Variants in SIMC1 observed in about 807,000 individuals in gnomAD.
The protein encoded by SIMC1 is SUMO interacting motifs containing 1.
In SIMC1, 55 loss-of-function variants were observed where a neutral mutation model predicts 82.3. That is an observed-to-expected ratio of 0.67 (90% CI 0.54 to 0.84). SIMC1 has a LOEUF of 0.84. SIMC1 is among the 40% of genes least tolerant of loss of function. SIMC1 has a pLI of 0.00. For missense variants in SIMC1, 915 were observed against 1,107.2 expected (o/e 0.83, Z 2.46); for synonymous variants, 353 against 426.3 (o/e 0.83, Z 2.12).
intron 1 of SIMC1, among the ~76,000 whole-genome samples, chr5:176,272,021 A>G (rs1762458548): frequency 6.9e-6 from 1 of 145,896 alleles, no homozygotes; most frequent in East Asian, 2.0e-4. Context: ...AATATATAAT[A>G]TATCTACTAT....
chr5:176,293,250 C>G (rs1763658289), intron 2 of SIMC1, among the ~76,000 whole-genome samples: 1 of 151,936 alleles, frequency 6.6e-6, no homozygotes, highest in Non-Finnish European at 1.5e-5. Context: ...CCAGCCTGGG[C>G]AACATAGTGA....
chr5:176,252,715 G>A (rs1228490633), intron 1 of SIMC1, among the ~76,000 whole-genome samples: 3 of 152,116 alleles, frequency 2.0e-5, no homozygotes, highest in Non-Finnish European at 4.4e-5. Context: ...AGGCAGAGAC[G>A]CTCCTCACTT....
chr5:176,260,197 G>GA (rs1761969179), intron 1 of SIMC1, among the ~76,000 whole-genome samples: 1 of 152,048 alleles, frequency 6.6e-6, no homozygotes, highest in Non-Finnish European at 1.5e-5. Flanking sequence ...TCTAATGTTA[G>GA]AAAACCATAA....
intron 4 of SIMC1, among the ~76,000 whole-genome samples, chr5:176,310,085 GC>G (rs1581293333): frequency 6.6e-6 from 1 of 152,308 alleles, no homozygotes; most frequent in East Asian, 1.9e-4. Flanking sequence ...ATCAGGGAAT[GC>G]AAATTGAAAC....
intron 4 of SIMC1, among the ~76,000 whole-genome samples, chr5:176,312,536 C>CAAAAAAAAAAAAAAAAAAAAAAAAAAAAA (rs10551875): frequency 1.4e-5 from 1 of 70,036 alleles, no homozygotes; most frequent in African/African-American, 5.8e-5. Context: ...GACTCCATCT[C>CAAAAAAAAAAAAAAAAAAAAAAAAAAAAA]AAAAAAAAAA....
chr5:176,329,588 A>G (rs1765545878), intron 7 of SIMC1, among the ~76,000 whole-genome samples: 1 of 151,546 alleles, frequency 6.6e-6, no homozygotes, highest in South Asian at 2.1e-4. Flanking sequence ...CCATCCTCCC[A>G]GCTACTGGCA....
intron 1 of SIMC1, among the ~76,000 whole-genome samples, chr5:176,278,040 AG>A (rs1762796110): frequency 7.4e-6 from 1 of 135,594 alleles, no homozygotes; most frequent in African/African-American, 2.8e-5. Context: ...TACCTTGGGC[AG>A]TATGGCCATT....
chr5:176,305,870 C>A (rs1171596859), intron 4 of SIMC1, among the ~76,000 whole-genome samples: 1 of 82,400 alleles, frequency 1.2e-5, no homozygotes, highest in African/African-American at 5.0e-5. Flanking sequence ...GGTCAGCCCC[C>A]CTGCCCGGCC....
chr5:176,311,948 ATCCT>A (rs1764681173), intron 4 of SIMC1, among the ~76,000 whole-genome samples: 1 of 152,226 alleles, frequency 6.6e-6, no homozygotes, highest in Non-Finnish European at 1.5e-5. Flanking sequence ...CTGGTGTAAC[ATCCT>A]TATCTTCCAA....
chr5:176,261,303 G>A (rs946548026), intron 1 of SIMC1, among the ~76,000 whole-genome samples: 5 of 152,012 alleles, frequency 3.3e-5, no homozygotes, highest in Admixed American at 6.6e-5. Context: ...CACCGCGCCC[G>A]GCTGCTTTTC....
chr5:176,244,569 G>T (rs1383869156), intron 1 of SIMC1, among the ~76,000 whole-genome samples: 5 of 152,034 alleles, frequency 3.3e-5, no homozygotes, highest in Non-Finnish European at 4.4e-5. Flanking sequence ...AGCTAGTGAG[G>T]TTGGAGATAA....
chr5:176,321,885 C>CTTTTTTT lies in SIMC1; in HGVS notation c.1890-373_1890-367dup, dbSNP rs11418187. ...AGAAAAATGTTGATATTTTAGTTAG[C>CTTTTTTT]TTTTTTTTTTTTTTTTTTTTTGTAG... On this transcript the variant is annotated intron_variant, in intron 5 of 9. Transcript: ENST00000429602. Among the ~76,000 whole-genome samples the CTTTTTTT allele has an allele frequency of 3.4e-3, 304 of 90,734 alleles. 2 individuals are homozygous for CTTTTTTT. Among genetic ancestry groups the CTTTTTTT allele is most frequent in the Middle Eastern group, 0.011 (1 of 88 alleles). The allele number at this position is 90,734 out of a possible 152,430, so 59.5% of individuals were successfully genotyped here.
At chr5:176,345,149 C>T in intron 9 of SIMC1, 34 bp from the exon 10 acceptor site, 1 of 1,596,258 alleles carries the variant, frequency 6.3e-7, no homozygotes, top group Non-Finnish European at 8.5e-7. Flanking sequence ...AAAAGCAGTT[C>T]AGAGCACCCA....
intron 9 of SIMC1, among the ~76,000 whole-genome samples, chr5:176,341,749 AGT>A (rs1766158814): frequency 6.9e-6 from 1 of 144,892 alleles, no homozygotes; most frequent in African/African-American, 2.6e-5. Flanking sequence ...AGATTCCTAT[AGT>A]GATGATGATG....
chr5:176,275,419 C>G (rs1167601849), intron 1 of SIMC1, among the ~76,000 whole-genome samples: 3 of 151,848 alleles, frequency 2.0e-5, no homozygotes, highest in Admixed American at 6.6e-5. Context: ...CATCTGCAAA[C>G]AAGGACAATT....
chr5:176,285,557 A>G (rs1316839507), intron 1 of SIMC1, among the ~76,000 whole-genome samples: 2 of 152,126 alleles, frequency 1.3e-5, no homozygotes, highest in South Asian at 2.1e-4. Flanking sequence ...AACTGGAAGC[A>G]TTCCCTTTGA....
At chr5:176,262,780 G>T (rs187787234) in intron 1 of SIMC1, among the ~76,000 whole-genome samples, 34 of 152,268 alleles carry the variant, frequency 2.2e-4, no homozygotes, top group Admixed American at 1.0e-3. Context: ...GCCCCAGCCT[G>T]GGTGACAGAG....
intron 2 of SIMC1, among the ~76,000 whole-genome samples, chr5:176,291,971 A>G (rs1231427835): frequency 6.6e-6 from 1 of 152,048 alleles, no homozygotes; most frequent in East Asian, 1.9e-4. Context: ...CAGGAGAATC[A>G]CCTGAATCTG....
At chr5:176,275,121 T>C (rs1320181373) in intron 1 of SIMC1, among the ~76,000 whole-genome samples, 2 of 151,800 alleles carry the variant, frequency 1.3e-5, no homozygotes, top group Non-Finnish European at 3.0e-5. Flanking sequence ...TGGAATGTTC[T>C]TCCATTTGTT....
Sources: gnomAD v4.1 joint callset for allele counts (sites outside exome capture counted in the v4.1 genomes callset) on GRCh38, gnomAD v4.1.1 for gene constraint, MANE v1.5 for transcripts, NCBI Gene and HGNC (gene_info 2026-07-23, HGNC 2026-07-21) for gene names.